Variants in EYS observed in about 807,000 individuals in gnomAD.
The protein encoded by EYS is protein eyes shut homolog.
In EYS, 250 loss-of-function variants were observed where a neutral mutation model predicts 282.1. That is an observed-to-expected ratio of 0.89 (90% CI 0.80 to 0.98). The LOEUF (loss-of-function observed/expected upper bound fraction) is 0.98, where lower values mean the gene tolerates loss of function less well. Ranked by LOEUF, EYS falls within the 50% of genes least tolerant of loss-of-function variation. The probability of loss-of-function intolerance (pLI) is 0.00; values close to 1 mark genes in which losing one functional copy is unlikely to be tolerated. For synonymous variants in EYS, 1,355 were observed against 1,282.9 expected, an observed-to-expected ratio of 1.06 and a Z score of -1.20; for missense variants, 4,016 against 3,709.0, an observed-to-expected ratio of 1.08 and a Z score of -2.15.
intron 2 of EYS, among the ~76,000 whole-genome samples, chr6:65,602,707 C>T (rs1303695778): frequency 6.6e-6 from 1 of 151,994 alleles, no homozygotes; most frequent in Non-Finnish European, 1.5e-5. Context: ...GTAAACTCTT[C>T]TTCACACAAG....
Position 63,778,188 on chromosome 6 carries a change from A to G in EYS, c.7724-8T>C. 6.4e-7 allele frequency: 1 copy of G among 1,551,578 alleles called. No homozygotes were observed. The highest frequency in any genetic ancestry group is 8.7e-7 in the Non-Finnish European group (1 of 1,146,734). On this transcript the variant is annotated splice_polypyrimidine_tract_variant and splice_region_variant and intron_variant, in intron 39 of 42. Coordinates refer to ENST00000503581, the MANE Select transcript of EYS (RefSeq NM_001142800.2). The stretch of plus-strand genomic sequence containing the variant: ...GAAGAGTGAAAATACAGCCTTGAAG[A>G]AATGCAAAAACACTTCGTGTTAACA...
chr6:65,527,590 C>T (rs1767616817), intron 2 of EYS, among the ~76,000 whole-genome samples: 1 of 152,186 alleles, frequency 6.6e-6, no homozygotes, highest in Admixed American at 6.5e-5. Flanking sequence ...AGGTTATGCA[C>T]AGGCCCAATA....
chr6:65,362,894 A>C (rs1764767235), intron 8 of EYS, among the ~76,000 whole-genome samples: 1 of 152,104 alleles, frequency 6.6e-6, no homozygotes, highest in Non-Finnish European at 1.5e-5. Flanking sequence ...TTAAATTCAA[A>C]AAAAGAAAAT....
At chr6:64,878,703 G>C (rs1015039136) in intron 19 of EYS, among the ~76,000 whole-genome samples, 1 of 151,730 alleles carries the variant, frequency 6.6e-6, no homozygotes, top group African/African-American at 2.4e-5. Flanking sequence ...TGACAAGTAA[G>C]AGTGATTTTA....
chr6:65,646,170 T>G lies in EYS; in HGVS notation c.-447-6278A>C, dbSNP rs148545787. On this transcript the variant is annotated intron_variant, in intron 1 of 42. Coordinates refer to ENST00000503581, the MANE Select transcript of EYS (RefSeq NM_001142800.2). ...AAAGAAAGACGGAATCCTCCCTAAA[T>G]CATTCTATAAAGCCAGTATCACCCT... is the stretch of plus-strand genomic sequence containing the variant. Among the ~76,000 whole-genome samples, 524 of 149,876 alleles carry G rather than the reference T, an allele frequency of 3.5e-3. 2 individuals carry two copies. Among genetic ancestry groups the G allele is most frequent in the African/African-American group, 0.012 (483 of 39,366 alleles).
chr6:65,482,996 A>C (rs1765659457), intron 5 of EYS, among the ~76,000 whole-genome samples: 1 of 152,182 alleles, frequency 6.6e-6, no homozygotes, highest in African/African-American at 2.4e-5. Flanking sequence ...TTAATCAAAA[A>C]TACACATTTA....
At chr6:64,850,634 G>T (rs1583221733) in intron 19 of EYS, among the ~76,000 whole-genome samples, 1 of 150,998 alleles carries the variant, frequency 6.6e-6, no homozygotes, top group South Asian at 2.1e-4. Context: ...GGCAGAACTT[G>T]TTACAGGTAG....
At chr6:65,498,384 G>T (rs1766328473) in intron 2 of EYS, among the ~76,000 whole-genome samples, 1 of 152,060 alleles carries the variant, frequency 6.6e-6, no homozygotes, top group African/African-American at 2.4e-5. Flanking sequence ...ATACACTAAA[G>T]ATTAAATAGC....
intron 32 of EYS, among the ~76,000 whole-genome samples, chr6:64,069,881 C>T (rs955878990): frequency 6.6e-6 from 1 of 151,908 alleles, no homozygotes; most frequent in Admixed American, 6.6e-5. Flanking sequence ...ACATGTTAAC[C>T]TAAATAACAT....
At chr6:65,659,038 G>A (rs1354003429) in intron 1 of EYS, among the ~76,000 whole-genome samples, 1 of 150,622 alleles carries the variant, frequency 6.6e-6, no homozygotes, top group African/African-American at 2.4e-5. Flanking sequence ...TCCACTCTTA[G>A]TTTATCTAGA....
rs1359889910 is a variant in EYS, at chr6:65,141,023, C to T, written c.2024-83296G>A. Among the ~76,000 whole-genome samples, 4 of 151,714 alleles carry T rather than the reference C, an allele frequency of 2.6e-5. 1 individual carries two copies. The highest frequency in any genetic ancestry group is 2.6e-4 in the Admixed American group (4 of 15,198). ...ACCCAAAGGACTATAAATCATGCTG[C>T]TATAAAGACACATGCACACGTATGT... On this transcript the variant is annotated intron_variant, in intron 12 of 42. Coordinates refer to ENST00000503581, the MANE Select transcript of EYS (RefSeq NM_001142800.2).
At chr6:65,162,994 T>G (rs114965336) in intron 12 of EYS, among the ~76,000 whole-genome samples, 159 of 151,078 alleles carry the variant, frequency 1.1e-3, no homozygotes, top group African/African-American at 3.7e-3. Context: ...CCAAAATACA[T>G]TCATGTTATC....
rs571945421 is a variant in EYS, at chr6:64,220,185, T to G, written c.6424+10407A>C. On this transcript the variant is annotated intron_variant, in intron 31 of 42. Coordinates refer to ENST00000503581, the MANE Select transcript of EYS (RefSeq NM_001142800.2). ...ACCCTAAAACTTAAAGTAAAAAATT[T>G]TAATAGAAATGTATAGCAGTTTGAG... Among the ~76,000 whole-genome samples the G allele has an allele frequency of 6.6e-4, 100 of 152,078 alleles. 1 individual carries two copies. Among genetic ancestry groups the G allele is most frequent in the African/African-American group, 2.3e-3 (96 of 41,512 alleles).
At chr6:64,645,605 T>C (rs368655534) in intron 22 of EYS, among the ~76,000 whole-genome samples, 3 of 152,238 alleles carry the variant, frequency 2.0e-5, no homozygotes, top group East Asian at 3.8e-4. Flanking sequence ...TTTTCATCTA[T>C]AAATATCCAC....
chr6:64,253,307 G>C (rs1366779860), intron 30 of EYS, among the ~76,000 whole-genome samples: 1 of 152,058 alleles, frequency 6.6e-6, no homozygotes, highest in Non-Finnish European at 1.5e-5. Flanking sequence ...GCACACATCA[G>C]AAACTCTTGA....
At chr6:64,618,693 A>C (rs1387393089) in intron 23 of EYS, among the ~76,000 whole-genome samples, 3 of 152,326 alleles carry the variant, frequency 2.0e-5, no homozygotes, top group African/African-American at 7.2e-5. Flanking sequence ...GGCAATGTCC[A>C]CATCAAACTT....
intron 26 of EYS, among the ~76,000 whole-genome samples, chr6:64,455,802 T>C (rs889063805): frequency 2.6e-5 from 4 of 152,114 alleles, no homozygotes; most frequent in Admixed American, 2.6e-4. Flanking sequence ...TTTTTATAAG[T>C]GATACCCTTT....
chr6:65,219,020 G>T (rs1766390358), intron 12 of EYS, among the ~76,000 whole-genome samples: 1 of 151,954 alleles, frequency 6.6e-6, no homozygotes, highest in Admixed American at 6.6e-5. Context: ...TGAAGACAGA[G>T]AAGTTATTTC....
intron 16 of EYS, among the ~76,000 whole-genome samples, chr6:64,911,584 T>C (rs893660534): frequency 6.6e-6 from 1 of 152,088 alleles, no homozygotes; most frequent in Non-Finnish European, 1.5e-5. Flanking sequence ...ATTAAGAGAC[T>C]CCCTTAAGGG....
Sources: gnomAD v4.1 joint callset for allele counts (sites outside exome capture counted in the v4.1 genomes callset) on GRCh38, gnomAD v4.1.1 for gene constraint, MANE v1.5 for transcripts, NCBI Gene and HGNC (gene_info 2026-07-23, HGNC 2026-07-21) for gene names.